Variants in SPDEF observed in about 807,000 individuals in gnomAD.
SPDEF encodes the protein SAM pointed domain-containing Ets transcription factor.
SPDEF carries 12 observed loss-of-function variants against 36.0 expected under a neutral mutation model. The ratio of observed to expected loss-of-function variants is 0.33; its 90% confidence interval spans 0.21 to 0.54. SPDEF has a LOEUF of 0.54. Among genes scored for constraint, SPDEF ranks in the 20% least tolerant of loss-of-function variants. The pLI, the probability that SPDEF is intolerant of heterozygous loss-of-function variation, is 0.93. For missense variants in SPDEF, 388 were observed against 456.9 expected (o/e 0.85, Z 1.37); for synonymous variants, 205 against 193.0 (o/e 1.06, Z -0.51).
At position 34,541,097 on chromosome 6, in the gene SPDEF, G is replaced by C. The variant is rs2127282944; in HGVS notation, c.521C>G (p.Ala174Gly). 1 of 1,611,178 alleles carries C rather than the reference G, an allele frequency of 6.2e-7. No individual in the cohort carries two copies. The highest frequency in any genetic ancestry group is 1.1e-5 in the South Asian group (1 of 90,432). The change falls in exon 3 of 6, where the codon GCC (alanine) becomes GGC (glycine). Residue 174 changes from alanine (A) to glycine (G), a missense_variant. Ala to Gly is a moderately conservative substitution (Grantham distance 60). Transcript: ENST00000374037. ...CTCCTTGCCCGCCAGCTCCTGGAAG[G>C]CCTTGCCCATGGGGGGCAGCCGGTA... Reference protein sequence around the residue: ...HQYRLPPMGKAFQELAGKELC... With the variant: ...HQYRLPPMGKGFQELAGKELC...
In SPDEF at chr6:34,537,903, A is replaced by C; in HGVS notation, c.*371T>G. 5 of 206,566 alleles carry C rather than the reference A, an allele frequency of 2.4e-5. No individual in the cohort carries two copies. Among genetic ancestry groups the C allele is most frequent in the Middle Eastern group, 1.9e-3 (1 of 534 alleles). 12.8% of individuals were successfully genotyped at this position (206,566 alleles called of 1,614,324 possible). ...TGCACCATGCCAGGTGTGGTGCAGA[A>C]TGGGAGGCAGGGGGATGGAGCAGAG... On this transcript the variant is annotated 3_prime_UTR_variant, in exon 6 of 6. Coordinates refer to ENST00000374037, the MANE Select transcript of SPDEF (RefSeq NM_012391.3).
intron 2 of SPDEF, among the ~76,000 whole-genome samples, chr6:34,542,198 C>T (rs1767837601): frequency 6.6e-6 from 1 of 152,186 alleles, no homozygotes; most frequent in African/African-American, 2.4e-5. Flanking sequence ...GGGGCAGGGG[C>T]CGGGCCTGAG....
intron 1 of SPDEF, among the ~76,000 whole-genome samples, chr6:34,549,548 C>T (rs1458051769): frequency 1.3e-5 from 2 of 152,196 alleles, no homozygotes; most frequent in African/African-American, 2.4e-5. Context: ...TGACAGCTCC[C>T]GAACCACAGT....
At chr6:34,540,905 A>G (rs1767803937) in intron 3 of SPDEF, 79 bp downstream of exon 3, 2 of 1,371,354 alleles carry the variant, frequency 1.5e-6, no homozygotes, top group Admixed American at 2.0e-5. Flanking sequence ...CTGCCCTAGC[A>G]GAGGGCAACC....
chr6:34,551,787 TG>T (rs1768067015), intron 1 of SPDEF, among the ~76,000 whole-genome samples: 1 of 152,056 alleles, frequency 6.6e-6, no homozygotes, highest in Admixed American at 6.6e-5. Flanking sequence ...CCATCAGGCC[TG>T]GCTCCCACCC....
rs1192388708 is a variant in SPDEF, at chr6:34,540,947, C to G, written c.634+37G>C. On this transcript the variant is annotated intron_variant, in intron 3 of 5. Transcript: ENST00000374037. The stretch of plus-strand genomic sequence containing the variant: ...CCAGCATCCTGTCCCTGGCTTGGAG[C>G]CTGGGAGGGGCTGCTCCCAGCCATG... 8 of 1,585,276 alleles carry G rather than the reference C, an allele frequency of 5.0e-6. No individual in the cohort carries two copies. The South Asian group carries it at 6.8e-5, about 13-fold the overall frequency.
rs111716840 is a variant in SPDEF, at chr6:34,544,382, C to T, written c.74G>A (p.Arg25Gln). 12 of 1,596,918 alleles carry T rather than the reference C, an allele frequency of 7.5e-6. No homozygotes were observed. Among genetic ancestry groups the T allele is most frequent in the East Asian group, 2.2e-5 (1 of 44,522 alleles). ...CGCTGCCGCCTTCTCCAAGCCTGTC[C>T]GCGACACCGTGTCGGGGGGCAGCAG... ...HLLLPPDTVS[R>Q]TGLEKAAAGA... The change falls in exon 2 of 6, where the codon CGG (arginine) becomes CAG (glutamine). Residue 25 changes from arginine to glutamine, a missense_variant. Coordinates refer to ENST00000374037, the MANE Select transcript of SPDEF (RefSeq NM_012391.3). The surrounding 1 kb of genome is among the most constrained non-coding windows in gnomAD (Gnocchi z 4.4).
chr6:34,537,902 A>T lies in SPDEF; in HGVS notation c.*372T>A. 4.8e-6 allele frequency: 1 copy of T among 206,428 alleles called. No homozygotes were observed. The highest frequency in any genetic ancestry group is 9.9e-6 in the Non-Finnish European group (1 of 101,038). 12.8% of individuals were successfully genotyped at this position (206,428 alleles called of 1,614,324 possible). A position where few individuals can be genotyped will look rare whatever the true frequency, so the allele number is the denominator to read the frequency against. ...CTGCACCATGCCAGGTGTGGTGCAG[A>T]ATGGGAGGCAGGGGGATGGAGCAGA... On this transcript the variant is annotated 3_prime_UTR_variant, in exon 6 of 6. Transcript: ENST00000374037.
At chr6:34,550,516 CTGAG>C (rs1352696719) in intron 1 of SPDEF, among the ~76,000 whole-genome samples, 3 of 152,224 alleles carry the variant, frequency 2.0e-5, no homozygotes, top group Admixed American at 2.0e-4. Flanking sequence ...AGGGAGGTGA[CTGAG>C]TGAGAGAGAT....
rs1347143426 is a variant in SPDEF at position 34,544,247 on chromosome 6, T to C, written c.209A>G (p.Asp70Gly). 2 of 1,613,664 alleles carry C rather than the reference T, an allele frequency of 1.2e-6. No individual in the cohort carries two copies. The highest frequency in any genetic ancestry group is 1.7e-6 in the Non-Finnish European group (2 of 1,179,928). ...AGGGGCCTTGGCTGCCCAGCTGCTG[T>C]CCTCAGGGTACAGCATGTCAAAGTA... is the stretch of plus-strand genomic sequence containing the variant. ...LSYFDMLYPE[D>G]SSWAAKAPGA... is the part of the protein sequence containing the mutation. The change falls in exon 2 of 6, where the codon GAC becomes GGC. Residue 70 changes from aspartate (D) to glycine (G), a missense_variant. Asp to Gly is a moderately conservative substitution (Grantham distance 94). Transcript: ENST00000374037. This position sits in a 1 kb window ranked among gnomAD's most constrained non-coding sequence, Gnocchi z 4.4.
chr6:34,544,509 G>C lies in SPDEF; in HGVS notation c.-29-25C>G. On this transcript the variant is annotated intron_variant, in intron 1 of 5. Transcript: ENST00000374037. The surrounding 1 kb of genome is among the most constrained non-coding windows in gnomAD (Gnocchi z 4.4). ...TCTACGGAAATGAAAGAGGACTCAGGTTTGACTGCTTCTCCATCCCTGTGG... is the reference window on the plus strand; with the variant it reads ...TCTACGGAAATGAAAGAGGACTCAGCTTTGACTGCTTCTCCATCCCTGTGG... 6.8e-7 allele frequency: 1 copy of C among 1,467,846 alleles called. No individual in the cohort carries two copies. The highest frequency in any genetic ancestry group is 9.0e-7 in the Non-Finnish European group (1 of 1,109,784). The allele number at this position is 1,467,846 out of a possible 1,614,324, so 90.9% of individuals were successfully genotyped here.
In SPDEF at chr6:34,541,003, G is replaced by A. The variant is rs1767807581; in HGVS notation, c.615C>T (p.His205=). The change falls in exon 3 of 6, where the codon CAC becomes CAT. Residue 205 remains histidine (H), a synonymous_variant. Coordinates refer to ENST00000374037, the MANE Select transcript of SPDEF (RefSeq NM_012391.3). ...SPLGGDVLHA[H]LDIWKSAAWM... ...TCCTACCTGACTTCCAGATGTCCAG[G>A]TGGGCGTGCAGCACATCCCCACCCA... 6.2e-7 allele frequency: 1 copy of A among 1,611,286 alleles called. No homozygotes were observed. Among genetic ancestry groups the A allele is most frequent in the Non-Finnish European group, 8.5e-7 (1 of 1,179,516 alleles).
At chr6:34,551,056 GAC>G (rs1210477713) in intron 1 of SPDEF, among the ~76,000 whole-genome samples, 7 of 152,222 alleles carry the variant, frequency 4.6e-5, no homozygotes, top group African/African-American at 1.7e-4. Context: ...CCACTTGACG[GAC>G]AAGGGCGCTG....
At position 34,544,391 on chromosome 6, in the gene SPDEF, G is replaced by A. The variant is rs143433433; in HGVS notation, c.65C>T (p.Thr22Met). The A allele has an allele frequency of 1.2e-4, 191 of 1,592,694 alleles. No homozygotes were observed. In the African/African-American group the frequency reaches 1.6e-3, roughly 13 times the overall value. Residue 22 changes from threonine (T) to methionine (M), a missense_variant, in exon 2 of 6, where the codon ACG (threonine) becomes ATG (methionine). Thr to Met is a moderately conservative substitution (Grantham distance 81, BLOSUM62 -1). Coordinates refer to ENST00000374037, the MANE Select transcript of SPDEF (RefSeq NM_012391.3). The surrounding 1 kb of genome is among the most constrained non-coding windows in gnomAD (Gnocchi z 4.4). Reference protein sequence around the residue: ...SPSHLLLPPDTVSRTGLEKAA... With the variant: ...SPSHLLLPPDMVSRTGLEKAA... Reference sequence around the variant, plus strand: ...CTTCTCCAAGCCTGTCCGCGACACCGTGTCGGGGGGCAGCAGGAGGTGGCT... The same window carrying A: ...CTTCTCCAAGCCTGTCCGCGACACCATGTCGGGGGGCAGCAGGAGGTGGCT...
Position 34,555,994 on chromosome 6 carries a change from T to C in SPDEF, c.-95A>G, listed in dbSNP as rs1460611705. On this transcript the variant is annotated 5_prime_UTR_variant, in exon 1 of 6. Transcript: ENST00000374037. The surrounding 1 kb of genome is among the most constrained non-coding windows in gnomAD (Gnocchi z 5.2). ...GCCAACTTCAGGGGCCGGGAAGAGG[T>C]GTGGGCAGCTGAGGCCACTGGCGTG... The C allele has an allele frequency of 6.6e-6, 1 of 152,336 alleles. No homozygotes were observed. The highest frequency in any genetic ancestry group is 1.9e-4 in the East Asian group (1 of 5,136). The allele number at this position is 152,336 out of a possible 1,614,324, so 9.4% of individuals were successfully genotyped here. A position where few individuals can be genotyped will look rare whatever the true frequency, so the allele number is the denominator to read the frequency against.
intron 2 of SPDEF, 98 bp downstream of exon 2, chr6:34,543,922 G>T: frequency 2.5e-6 from 3 of 1,212,368 alleles, no homozygotes. Flanking sequence ...TGGGCCAGAG[G>T]TGGCCAGAGT....
rs868137588 is a variant in SPDEF, at chr6:34,544,257, A to G, written c.199T>C (p.Tyr67His). The change falls in exon 2 of 6, where the codon TAC becomes CAC. Residue 67 changes from tyrosine to histidine, a missense_variant. Tyr to His is a moderately conservative substitution (Grantham distance 83). Transcript: ENST00000374037. The surrounding 1 kb of genome is among the most constrained non-coding windows in gnomAD (Gnocchi z 4.4). ...AFYLSYFDML[Y>H]PEDSSWAAKA... ...GCTGCCCAGCTGCTGTCCTCAGGGT[A>G]CAGCATGTCAAAGTAGGAGAGGTAG... The G allele has an allele frequency of 6.2e-7, 1 of 1,613,756 alleles. No individual in the cohort carries two copies. Among genetic ancestry groups the G allele is most frequent in the Middle Eastern group, 1.6e-4 (1 of 6,062 alleles).
intron 2 of SPDEF, 151 bp downstream of exon 2, chr6:34,543,869 G>A: frequency 1.4e-6 from 1 of 705,090 alleles, no homozygotes; most frequent in Non-Finnish European, 2.3e-6. Flanking sequence ...GCTCACAGCT[G>A]ACTGTGTGTA....
chr6:34,544,373 A>G lies in SPDEF; in HGVS notation c.83T>C (p.Leu28Ser), dbSNP rs1476247689. The G allele has an allele frequency of 1.2e-6, 2 of 1,600,316 alleles. No individual in the cohort carries two copies. Among genetic ancestry groups the G allele is most frequent in the African/African-American group, 1.3e-5 (1 of 74,780 alleles). ...LPPDTVSRTG[L>S]EKAAAGAVGL... ...CACTGCCCCCGCTGCCGCCTTCTCC[A>G]AGCCTGTCCGCGACACCGTGTCGGG... is the stretch of plus-strand genomic sequence containing the variant. Residue 28 changes from leucine (L) to serine (S), a missense_variant, in exon 2 of 6, where the codon TTG (leucine) becomes TCG (serine). By Grantham distance (145) the Leu-to-Ser change is moderately radical. Transcript: ENST00000374037. The surrounding 1 kb of genome is among the most constrained non-coding windows in gnomAD (Gnocchi z 4.4).
Sources: allele counts gnomAD v4.1 joint callset (sites outside exome capture counted in the v4.1 genomes callset), GRCh38; gene constraint gnomAD v4.1.1; non-coding constraint Gnocchi (gnomAD v3.1); transcripts MANE v1.5; gene names NCBI Gene and HGNC (gene_info 2026-07-23, HGNC 2026-07-21).